Variants in LRRC28 observed in about 807,000 individuals in gnomAD.
LRRC28 encodes the protein leucine-rich repeat-containing protein 28.
In LRRC28, 39 loss-of-function variants were observed where a neutral mutation model predicts 45.7. The observed-to-expected ratio is 0.85, with a 90% CI of 0.66 to 1.12. The LOEUF (loss-of-function observed/expected upper bound fraction) is 1.12, where lower values mean the gene tolerates loss of function less well. Ranked by LOEUF, LRRC28 falls within the 50% of genes most tolerant of loss-of-function variation. The pLI is 0.00. For synonymous variants in LRRC28, 206 were observed against 178.8 expected, an observed-to-expected ratio of 1.15 and a Z score of -1.22; for missense variants, 435 against 438.5, an observed-to-expected ratio of 0.99 and a Z score of 0.07.
chr15:99,371,496 T>G lies in LRRC28; in HGVS notation c.1031+8231T>G, dbSNP rs529373455. ...AACAACTAATACTCCCTTCTCCCAC[T>G]CACTAGTAGTTTATTTTTAAAATAA... is the stretch of plus-strand genomic sequence containing the variant. On this transcript the variant is annotated intron_variant, in intron 9 of 9. Coordinates refer to ENST00000301981, the MANE Select transcript of LRRC28 (RefSeq NM_144598.5). Among the ~76,000 whole-genome samples the G allele has an allele frequency of 5.6e-4, 86 of 152,320 alleles. 1 individual carries two copies. The highest frequency in any genetic ancestry group is 1.9e-3 in the African/African-American group (81 of 41,562).
chr15:99,257,668 T>A (rs930335111), intron 2 of LRRC28: 1 of 743,086 alleles, frequency 1.3e-6, no homozygotes, highest in African/African-American at 1.7e-5. Flanking sequence ...TGCTGCGTCC[T>A]GCTGACCTTC....
At chr15:99,363,911 C>G (rs1159069989) in intron 9 of LRRC28, among the ~76,000 whole-genome samples, 2 of 152,044 alleles carry the variant, frequency 1.3e-5, no homozygotes, top group African/African-American at 4.8e-5. Context: ...ATTTAGGAAA[C>G]TAAATTTAAA....
chr15:99,283,531 A>G (rs12904240), intron 3 of LRRC28, among the ~76,000 whole-genome samples: 14,234 of 147,834 alleles, frequency 0.096, 947 homozygotes, highest in East Asian at 0.33. Flanking sequence ...CAGGAGAATC[A>G]CTTGTACCCA....
intron 7 of LRRC28, chr15:99,355,604 T>C (rs1014903644): frequency 2.6e-5 from 4 of 152,208 alleles, no homozygotes; most frequent in African/African-American, 9.6e-5. Flanking sequence ...ATCTTCTACA[T>C]TGTAGCCAGA....
At chr15:99,258,109 T>G in intron 2 of LRRC28, 4 of 1,591,248 alleles carry the variant, frequency 2.5e-6, no homozygotes, top group Admixed American at 1.7e-5. Flanking sequence ...TTAAAAACCT[T>G]GGTACCATAG....
chr15:99,388,337 T>G lies in LRRC28; in HGVS notation c.*2235T>G, dbSNP rs954434177. ...ATTCAGGATTCTCATTGTGATAAGGTGATACATTAGTTTTACCTTGTTTGA... is the reference window on the plus strand; with the variant it reads ...ATTCAGGATTCTCATTGTGATAAGGGGATACATTAGTTTTACCTTGTTTGA... On this transcript the variant is annotated 3_prime_UTR_variant, in exon 10 of 10. Coordinates refer to ENST00000301981, the MANE Select transcript of LRRC28 (RefSeq NM_144598.5). 6.6e-6 allele frequency: 1 copy of G among 152,228 alleles called. No homozygotes were observed. The highest frequency in any genetic ancestry group is 2.4e-5 in the African/African-American group (1 of 41,456). 9.4% of individuals were successfully genotyped at this position (152,228 alleles called of 1,614,324 possible).
intron 9 of LRRC28, among the ~76,000 whole-genome samples, chr15:99,364,872 T>G (rs954825914): frequency 3.9e-5 from 6 of 152,252 alleles, no homozygotes; most frequent in Non-Finnish European, 8.8e-5. Context: ...ATTTCTTATT[T>G]TTGCTGTGTT....
chr15:99,336,399 A>AT (rs1337844900), intron 6 of LRRC28, among the ~76,000 whole-genome samples: 8 of 152,202 alleles, frequency 5.3e-5, no homozygotes, highest in African/African-American at 1.9e-4. Context: ...CCACATTGAC[A>AT]TGCTGTCTCC....
rs1957255574 is a variant in LRRC28, at chr15:99,363,253, G to A, written c.1019G>A (p.Gly340Glu). 1 of 1,613,916 alleles carries A rather than the reference G, an allele frequency of 6.2e-7. No individual in the cohort carries two copies. The highest frequency in any genetic ancestry group is 8.5e-7 in the Non-Finnish European group (1 of 1,179,876). The change falls in exon 9 of 10, where the codon GGG (glycine) becomes GAG (glutamate). Residue 340 changes from glycine (G) to glutamate (E), a missense_variant. Gly to Glu is a moderately conservative substitution (Grantham distance 98). Transcript: ENST00000301981. Reference sequence around the variant, plus strand: ...CCCTTGAGAGAGACGCCAATGGCAGGGCTGCACCAGTGGTAATCATGCCTA... The same window carrying A: ...CCCTTGAGAGAGACGCCAATGGCAGAGCTGCACCAGTGGTAATCATGCCTA... ...LFPLRETPMA[G>E]LHQWKTTVSF... is the part of the protein sequence containing the mutation.
chr15:99,293,593 CAAAAAAAAAAAAAAA>C (rs57442636), intron 5 of LRRC28, among the ~76,000 whole-genome samples: 75 of 44,080 alleles, frequency 1.7e-3, no homozygotes, highest in South Asian at 3.5e-3. Context: ...AACTCTGTCA[CAAAAAAAAAAAAAAA>C]AAAAAAAAAA....
At chr15:99,348,426 A>G (rs1956764469) in intron 6 of LRRC28, among the ~76,000 whole-genome samples, 1 of 152,054 alleles carries the variant, frequency 6.6e-6, no homozygotes, top group Admixed American at 6.6e-5. Flanking sequence ...AGGTTTCTTA[A>G]TCAATTTTGA....
Position 99,387,996 on chromosome 15 carries a change from C to G in LRRC28, c.*1894C>G, listed in dbSNP as rs549681809. The G allele has an allele frequency of 6.6e-6, 1 of 152,210 alleles. No homozygotes were observed. Among genetic ancestry groups the G allele is most frequent in the Non-Finnish European group, 1.5e-5 (1 of 68,036 alleles). The allele number at this position is 152,210 out of a possible 1,614,324, so 9.4% of individuals were successfully genotyped here. On this transcript the variant is annotated 3_prime_UTR_variant, in exon 10 of 10. Transcript: ENST00000301981. ...GTGTTCCCACTGTATCTGCACTGTT[C>G]TTACTTCCTCTTGTCCCTTTTCATA...
intron 5 of LRRC28, chr15:99,317,667 T>A (rs1220982600): frequency 1.3e-5 from 2 of 152,218 alleles, no homozygotes; most frequent in Non-Finnish European, 2.9e-5. Flanking sequence ...AAATAATTCC[T>A]ATATTTTGCT....
intron 9 of LRRC28, among the ~76,000 whole-genome samples, chr15:99,377,873 G>T (rs2152339326): frequency 6.6e-6 from 1 of 152,258 alleles, no homozygotes; most frequent in East Asian, 1.9e-4. Context: ...CATTATTTCT[G>T]AGGGCTCTGT....
chr15:99,288,025 T>G (rs2082005481), intron 5 of LRRC28, 74 bp downstream of exon 5: 2 of 1,369,214 alleles, frequency 1.5e-6, no homozygotes. Flanking sequence ...ACTCTATGTC[T>G]AGGCAATGAG....
At chr15:99,357,495 A>C (rs1025279703) in intron 7 of LRRC28, among the ~76,000 whole-genome samples, 1 of 152,212 alleles carries the variant, frequency 6.6e-6, no homozygotes, top group African/African-American at 2.4e-5. Flanking sequence ...AGCAACCTTC[A>C]TGCTGTTCAA....
intron 7 of LRRC28, chr15:99,355,585 A>G (rs1957023803): frequency 6.6e-6 from 1 of 152,202 alleles, no homozygotes; most frequent in Non-Finnish European, 1.5e-5. Context: ...ACAGGAGTAA[A>G]TGTCCTCAAT....
intron 6 of LRRC28, among the ~76,000 whole-genome samples, chr15:99,339,885 C>T (rs1956450050): frequency 6.6e-6 from 1 of 152,204 alleles, no homozygotes; most frequent in Admixed American, 6.5e-5. Flanking sequence ...CCAGAATTAT[C>T]TCTTGGAGAT....
At chr15:99,262,466 C>T (rs1257802063) in intron 2 of LRRC28, among the ~76,000 whole-genome samples, 2 of 152,106 alleles carry the variant, frequency 1.3e-5, no homozygotes, top group Non-Finnish European at 2.9e-5. Flanking sequence ...TCTGTAGTCC[C>T]AGCTACTCGG....
Sources: gnomAD v4.1 joint callset for allele counts (sites outside exome capture counted in the v4.1 genomes callset) on GRCh38, gnomAD v4.1.1 for gene constraint, MANE v1.5 for transcripts, NCBI Gene and HGNC (gene_info 2026-07-23, HGNC 2026-07-21) for gene names.